The following VWA8 variants were observed in gnomAD, a reference collection of about 807,000 sequenced individuals.
VWA8 encodes the protein von Willebrand factor A domain containing 8, also known as von Willebrand factor A domain-containing protein 8.
VWA8 carries 221 observed loss-of-function variants against 241.5 expected under a neutral mutation model. The observed-to-expected ratio is 0.91, with a 90% CI of 0.82 to 1.02. The LOEUF (loss-of-function observed/expected upper bound fraction) is 1.02. Ranked by LOEUF, VWA8 falls within the 50% of genes least tolerant of loss-of-function variation. VWA8 has a pLI of 0.00. For synonymous variants in VWA8, 852 were observed against 827.1 expected, an observed-to-expected ratio of 1.03 and a Z score of -0.52; for missense variants, 2,322 against 2,328.7, an observed-to-expected ratio of 1.00 and a Z score of 0.06.
At chr13:41,670,551 C>T (rs35217303) in intron 37 of VWA8, among the ~76,000 whole-genome samples, 2,788 of 152,206 alleles carry the variant, frequency 0.018, 24 homozygotes, top group South Asian at 0.047. Flanking sequence ...TAATAATCTG[C>T]TGTATTCTAG....
chr13:41,722,228 G>C (rs1343336089), intron 24 of VWA8, among the ~76,000 whole-genome samples: 1 of 152,106 alleles, frequency 6.6e-6, no homozygotes, highest in Non-Finnish European at 1.5e-5. Context: ...AACCTGTAGA[G>C]ACATTGTCTG....
At chr13:41,948,108 T>C (rs1877950579) in intron 2 of VWA8, among the ~76,000 whole-genome samples, 1 of 152,022 alleles carries the variant, frequency 6.6e-6, no homozygotes, top group Non-Finnish European at 1.5e-5. Flanking sequence ...TTCACAATAG[T>C]CCGAAAGTGG....
intron 34 of VWA8, 52 bp from the exon 35 acceptor site, chr13:41,685,294 CACA>C: frequency 6.5e-7 from 1 of 1,534,478 alleles, no homozygotes; most frequent in Non-Finnish European, 8.8e-7. Context: ...CTACATTCAC[CACA>C]ACCTTAACAA....
intron 37 of VWA8, among the ~76,000 whole-genome samples, chr13:41,669,442 T>G (rs1490598987): frequency 1.3e-5 from 2 of 152,218 alleles, no homozygotes; most frequent in African/African-American, 4.8e-5. Context: ...ACATATTAAT[T>G]GCTTATTGCA....
At chr13:41,785,670 G>A (rs1351794379) in intron 18 of VWA8, among the ~76,000 whole-genome samples, 2 of 152,014 alleles carry the variant, frequency 1.3e-5, no homozygotes, top group East Asian at 1.9e-4. Context: ...CAGTAACTTC[G>A]CCCTTCAATA....
intron 26 of VWA8, among the ~76,000 whole-genome samples, chr13:41,703,939 C>T (rs1474877322): frequency 6.6e-6 from 1 of 151,966 alleles, no homozygotes; most frequent in Non-Finnish European, 1.5e-5. Context: ...CCACCACACC[C>T]GGCTAATTTT....
intron 40 of VWA8, among the ~76,000 whole-genome samples, chr13:41,596,930 C>G (rs2044492460): frequency 6.6e-6 from 1 of 151,800 alleles, no homozygotes; most frequent in Non-Finnish European, 1.5e-5. Context: ...TGAAATCATT[C>G]TGATTAATCT....
chr13:41,608,180 A>G (rs73464938), intron 39 of VWA8, among the ~76,000 whole-genome samples: 2,470 of 152,260 alleles, frequency 0.016, 71 homozygotes, highest in African/African-American at 0.056. Context: ...TGGTGCGATC[A>G]TGTTGCACCC....
intron 36 of VWA8, 134 bp downstream of exon 36, chr13:41,675,081 C>T: frequency 3.5e-6 from 2 of 568,196 alleles, no homozygotes; most frequent in Middle Eastern, 4.7e-4. Context: ...AAGATAGAAA[C>T]CAACTGTAAC....
chr13:41,662,413 G>A (rs1042728439), intron 37 of VWA8, among the ~76,000 whole-genome samples: 9 of 151,968 alleles, frequency 5.9e-5, no homozygotes, highest in Non-Finnish European at 8.8e-5. Flanking sequence ...TTTGTAAATG[G>A]TAGATGTATT....
At chr13:41,770,810 A>C (rs1039372209) in intron 20 of VWA8, among the ~76,000 whole-genome samples, 10 of 151,738 alleles carry the variant, frequency 6.6e-5, no homozygotes, top group African/African-American at 2.4e-4. Flanking sequence ...AAGGGCAAAA[A>C]ATATGGATGG....
chr13:41,784,711 TATATATATATATATA>T (rs1869077972), intron 18 of VWA8, among the ~76,000 whole-genome samples: 1 of 70,410 alleles, frequency 1.4e-5, no homozygotes, highest in African/African-American at 4.4e-5. Flanking sequence ...TATATATATA[TATATATATATATATA>T]TATACACACA....
intron 22 of VWA8, among the ~76,000 whole-genome samples, chr13:41,729,940 G>T (rs181273527): frequency 6.6e-6 from 1 of 151,816 alleles, no homozygotes; most frequent in Admixed American, 6.6e-5. Context: ...TTTCATTTTA[G>T]TATTAAAATT....
intron 10 of VWA8, 137 bp from the exon 11 acceptor site, chr13:41,866,173 C>G (rs1288259765): frequency 9.1e-7 from 1 of 1,101,200 alleles, no homozygotes; most frequent in East Asian, 2.6e-5. Flanking sequence ...TATGGTGAAA[C>G]CCCATCTCTA....
chr13:41,841,824 T>A (rs1162227270), intron 12 of VWA8, among the ~76,000 whole-genome samples: 62 of 15,712 alleles, frequency 3.9e-3, no homozygotes, highest in East Asian at 0.017. Flanking sequence ...AAAAAAAATA[T>A]ATATATATAT....
chr13:41,825,061 T>G (rs1329824888), intron 14 of VWA8, among the ~76,000 whole-genome samples: 1 of 152,140 alleles, frequency 6.6e-6, no homozygotes, highest in Non-Finnish European at 1.5e-5. Flanking sequence ...TACTAGTCAA[T>G]TCATCTTCTG....
rs79572847 is a variant in VWA8 at position 41,741,681 on chromosome 13, A to G, written c.2427-9526T>C. On this transcript the variant is annotated intron_variant, in intron 21 of 44. Transcript: ENST00000379310. ...GGTTAGCCAAAGAATAAACACATGA[A>G]TGTATTAAATACTAATTATAAAACG... 6.0e-3 allele frequency among the ~76,000 whole-genome samples: 911 copies of G among 152,370 alleles called. 10 individuals carry two copies. The highest frequency in any genetic ancestry group is 0.021 in the African/African-American group (874 of 41,592).
intron 24 of VWA8, among the ~76,000 whole-genome samples, chr13:41,724,370 T>TTG (rs369228583): frequency 8.6e-5 from 13 of 151,332 alleles, no homozygotes; most frequent in South Asian, 6.3e-4. Flanking sequence ...ATTAAGAGGT[T>TTG]TGTGTGTGTG....
At chr13:41,920,658 C>T (rs1472823595) in intron 2 of VWA8, among the ~76,000 whole-genome samples, 2 of 152,154 alleles carry the variant, frequency 1.3e-5, no homozygotes, top group African/African-American at 2.4e-5. Flanking sequence ...ATACTATAAA[C>T]ACTTCTGCAC....
Sources: allele counts gnomAD v4.1 joint callset (sites outside exome capture counted in the v4.1 genomes callset), GRCh38; gene constraint gnomAD v4.1.1; transcripts MANE v1.5; gene names NCBI Gene and HGNC (gene_info 2026-07-23, HGNC 2026-07-21).